PPP1R17: variants seen among roughly 807,000 people sequenced by gnomAD.
PPP1R17 encodes the protein G-substrate.
PPP1R17 carries 12 observed loss-of-function variants against 15.9 expected under a neutral mutation model. That is an observed-to-expected ratio of 0.75 (90% CI 0.48 to 1.22). The LOEUF is 1.22. Among genes scored for constraint, PPP1R17 ranks in the 50% most tolerant of loss-of-function variants. The pLI is 0.00. For synonymous variants in PPP1R17, 63 were observed against 64.5 expected (o/e 0.98, Z 0.11); for missense variants, 211 against 187.3 (o/e 1.13, Z -0.74).
At chr7:31,697,926 T>C (rs1792671198) in intron 4 of PPP1R17, among the ~76,000 whole-genome samples, 1 of 152,208 alleles carries the variant, frequency 6.6e-6, no homozygotes, top group Non-Finnish European at 1.5e-5. Flanking sequence ...CTTATGTGGA[T>C]ACAATTGATA....
rs749919311 is a variant in PPP1R17, at chr7:31,692,393, T to C, written c.-36-13T>C. 16 of 1,445,472 alleles carry C rather than the reference T, an allele frequency of 1.1e-5. No homozygotes were observed. Among genetic ancestry groups the C allele is most frequent in the Non-Finnish European group, 1.5e-5 (16 of 1,033,846 alleles). 89.5% of individuals were successfully genotyped at this position (1,445,472 alleles called of 1,614,324 possible). ...AGAGCCATACTTATTAACTGTTTTT[T>C]ATACTTCCTTAGTGCTGGAGAAGAA... On this transcript the variant is annotated splice_polypyrimidine_tract_variant and intron_variant, in intron 1 of 4. Coordinates refer to ENST00000342032, the MANE Select transcript of PPP1R17 (RefSeq NM_006658.5).
At chr7:31,706,083 C>A (rs948505383) in intron 4 of PPP1R17, among the ~76,000 whole-genome samples, 6 of 131,994 alleles carry the variant, frequency 4.5e-5, no homozygotes, top group Non-Finnish European at 6.2e-5. Flanking sequence ...CGGCTTGCTG[C>A]AATCTCTGCC....
chr7:31,699,653 A>G (rs910600987), intron 4 of PPP1R17, among the ~76,000 whole-genome samples: 1 of 150,802 alleles, frequency 6.6e-6, no homozygotes, highest in Admixed American at 6.6e-5. Context: ...TTTTTTTTTA[A>G]CCAAATTGGA....
intron 1 of PPP1R17, among the ~76,000 whole-genome samples, chr7:31,688,664 AC>A (rs1380126122): frequency 1.2e-4 from 19 of 152,230 alleles, no homozygotes; most frequent in African/African-American, 3.9e-4. Context: ...ATTTGCATTT[AC>A]AAGTATCTCT....
At chr7:31,702,211 T>TTTA (rs1554309701) in intron 4 of PPP1R17, among the ~76,000 whole-genome samples, 90 of 139,460 alleles carry the variant, frequency 6.5e-4, no homozygotes, top group African/African-American at 2.5e-3. Flanking sequence ...TTATTTATTT[T>TTTA]TTTTTTTGCC....
intron 4 of PPP1R17, among the ~76,000 whole-genome samples, chr7:31,701,064 G>T (rs1792829177): frequency 6.6e-6 from 1 of 152,162 alleles, no homozygotes; most frequent in African/African-American, 2.4e-5. Context: ...CGACTTGCAA[G>T]TCTTGTTACT....
intron 1 of PPP1R17, among the ~76,000 whole-genome samples, chr7:31,690,142 C>T (rs1474246247): frequency 6.6e-6 from 1 of 152,196 alleles, no homozygotes; most frequent in Non-Finnish European, 1.5e-5. Flanking sequence ...TCAGAGGAGG[C>T]CTGGACCTCC....
chr7:31,691,797 TAAAAAAAAA>T (rs377169335), intron 1 of PPP1R17, among the ~76,000 whole-genome samples: 5 of 86,560 alleles, frequency 5.8e-5, no homozygotes, highest in Admixed American at 1.4e-4. Context: ...ATGTAATGAT[TAAAAAAAAA>T]AAAAAAAAAA....
chr7:31,695,569 A>G lies in PPP1R17; in HGVS notation c.183A>G (p.Lys61=). 6.2e-7 allele frequency: 1 copy of G among 1,614,082 alleles called. No homozygotes were observed. The highest frequency in any genetic ancestry group is 1.1e-5 in the South Asian group (1 of 91,056). ...CCCTGAATGTTGAGTCAGACCAAAA[A>G]AAACCAAGGAGGAAAGATACACCGG... The part of the protein sequence containing the change: ...QATLNVESDQ[K]KPRRKDTPAL... Residue 61 remains lysine (K), a synonymous_variant, in exon 3 of 5, where the codon AAA becomes AAG. Transcript: ENST00000342032.
At chr7:31,694,826 T>C (rs936668669) in intron 2 of PPP1R17, among the ~76,000 whole-genome samples, 1 of 152,168 alleles carries the variant, frequency 6.6e-6, no homozygotes, top group East Asian at 1.9e-4. Context: ...AAAGCCAGGC[T>C]TCAAAGCTCT....
intron 4 of PPP1R17, among the ~76,000 whole-genome samples, chr7:31,697,720 A>C (rs897069017): frequency 1.3e-5 from 2 of 152,200 alleles, no homozygotes; most frequent in Non-Finnish European, 2.9e-5. Flanking sequence ...TATTTTATAC[A>C]GATTGTTGTG....
In PPP1R17 at chr7:31,697,091, C is replaced by T. The variant is rs113903903; in HGVS notation, c.362C>T (p.Ala121Val). Residue 121 changes from alanine (A) to valine (V), a missense_variant, in exon 4 of 5, where the codon GCC becomes GTC. Physicochemically the swap from Ala to Val is moderately conservative, Grantham distance 64. Transcript: ENST00000342032. Reference protein sequence around the residue: ...QKKPRRKDTPALHMSPFAAGV... With the variant: ...QKKPRRKDTPVLHMSPFAAGV... Reference sequence around the variant, plus strand: ...AAGCCAAGGAGAAAAGACACACCTGCCCTGCACATGTCCCCCTTTGCAGCA... The same window carrying T: ...AAGCCAAGGAGAAAAGACACACCTGTCCTGCACATGTCCCCCTTTGCAGCA... 19 of 1,614,084 alleles carry T rather than the reference C, an allele frequency of 1.2e-5. No homozygotes were observed. The African/African-American group carries it at 1.3e-4, about 11-fold the overall frequency.
At chr7:31,687,674 G>C (rs1583817138) in intron 1 of PPP1R17, among the ~76,000 whole-genome samples, 1 of 152,142 alleles carries the variant, frequency 6.6e-6, no homozygotes, top group African/African-American at 2.4e-5. Context: ...CTCTCCTCCA[G>C]GAATACTGCC....
chr7:31,703,862 G>A (rs958590500), intron 4 of PPP1R17, among the ~76,000 whole-genome samples: 5 of 152,110 alleles, frequency 3.3e-5, no homozygotes, highest in East Asian at 1.9e-4. Flanking sequence ...TTCCAACTGC[G>A]AGCACAGCCC....
At chr7:31,691,797 TAAAA>T (rs377169335) in intron 1 of PPP1R17, among the ~76,000 whole-genome samples, 7 of 86,558 alleles carry the variant, frequency 8.1e-5, no homozygotes, top group Non-Finnish European at 1.3e-4. Context: ...ATGTAATGAT[TAAAA>T]AAAAAAAAAA....
At chr7:31,692,321 C>T (rs1387015921) in intron 1 of PPP1R17, 85 bp from the exon 2 acceptor site, 1 of 791,042 alleles carries the variant, frequency 1.3e-6, no homozygotes, top group African/African-American at 1.7e-5. Context: ...ATAGCAGGTG[C>T]TCAACAAATA....
intron 4 of PPP1R17, among the ~76,000 whole-genome samples, chr7:31,702,684 A>T (rs745342219): frequency 2.0e-5 from 3 of 152,142 alleles, no homozygotes; most frequent in Non-Finnish European, 4.4e-5. Context: ...GACTTACATC[A>T]ACAACTTGCA....
At chr7:31,706,725 G>T (rs1303454781) in intron 4 of PPP1R17, among the ~76,000 whole-genome samples, 3 of 152,170 alleles carry the variant, frequency 2.0e-5, no homozygotes. Context: ...AGGAAAAGCC[G>T]ACATTTACTT....
intron 1 of PPP1R17, 101 bp downstream of exon 1, chr7:31,687,407 T>C (rs574189940): frequency 1.3e-5 from 2 of 152,370 alleles, no homozygotes; most frequent in South Asian, 2.1e-4. Context: ...TGGCACGGGG[T>C]TGTGCTTTAT....
Sources: allele counts gnomAD v4.1 joint callset (sites outside exome capture counted in the v4.1 genomes callset), GRCh38; gene constraint gnomAD v4.1.1; transcripts MANE v1.5; gene names NCBI Gene and HGNC (gene_info 2026-07-23, HGNC 2026-07-21).